CDH8: variants seen among roughly 807,000 people sequenced by gnomAD.
CDH8 encodes cadherin-8.
CDH8 carries 17 observed loss-of-function variants against 68.1 expected under a neutral mutation model. The observed-to-expected ratio is 0.25, with a 90% confidence interval of 0.17 to 0.37. CDH8 has a LOEUF of 0.37. Among genes scored for constraint, CDH8 ranks in the 10% least tolerant of loss-of-function variants. The probability of loss-of-function intolerance (pLI) is 1.00; values close to 1 mark genes in which losing one functional copy is unlikely to be tolerated. For missense variants in CDH8, 763 were observed against 999.3 expected (o/e 0.76, Z 3.19); for synonymous variants, 372 against 365.1 (o/e 1.02, Z -0.21).
rs1202738315 is a variant in CDH8, at chr16:62,027,505, A to C, written c.-199-5903T>G. Among the ~76,000 whole-genome samples, 3 of 152,228 alleles carry C rather than the reference A, an allele frequency of 2.0e-5. No individual in the cohort carries two copies. In the East Asian group the frequency reaches 5.8e-4, roughly 29 times the overall value. On this transcript the variant is annotated intron_variant, in intron 1 of 11. Transcript: ENST00000577390. ...GTGGTTGACAGGAAACTATGCTTTT[A>C]TTATCCACTAGGCTTAGCAGCCACA... is the stretch of plus-strand genomic sequence containing the variant.
intron 10 of CDH8, among the ~76,000 whole-genome samples, chr16:61,680,552 TG>T (rs562404116): frequency 0.14 from 20,582 of 151,868 alleles, 1,570 homozygotes; most frequent in African/African-American, 0.2. Context: ...CAGGGGGACT[TG>T]AACTTGTGGA....
intron 2 of CDH8, among the ~76,000 whole-genome samples, chr16:61,994,068 G>T (rs556647759): frequency 6.6e-6 from 1 of 152,190 alleles, no homozygotes; most frequent in South Asian, 2.1e-4. Flanking sequence ...ATTTCTCATG[G>T]CTGGGAAGTA....
At chr16:61,818,528 T>C (rs1379397513) in intron 6 of CDH8, among the ~76,000 whole-genome samples, 1 of 152,180 alleles carries the variant, frequency 6.6e-6, no homozygotes, top group African/African-American at 2.4e-5. Flanking sequence ...ATTGCACCAT[T>C]ACTGACAATA....
chr16:61,815,460 C>G (rs1302664348), intron 7 of CDH8, among the ~76,000 whole-genome samples: 1 of 152,194 alleles, frequency 6.6e-6, no homozygotes, highest in Non-Finnish European at 1.5e-5. Context: ...ATAGCTAGCT[C>G]TGCCAATAAG....
intron 3 of CDH8, among the ~76,000 whole-genome samples, chr16:61,886,276 T>G (rs1963671029): frequency 6.6e-6 from 1 of 152,218 alleles, no homozygotes; most frequent in South Asian, 2.1e-4. Flanking sequence ...GATAGTCTAT[T>G]TTTAAGGCCC....
chr16:61,760,238 G>A (rs1021793929), intron 8 of CDH8, among the ~76,000 whole-genome samples: 7 of 151,950 alleles, frequency 4.6e-5, no homozygotes, highest in African/African-American at 1.7e-4. Flanking sequence ...AAACCACTAA[G>A]TTTGGGGTTA....
intron 2 of CDH8, among the ~76,000 whole-genome samples, chr16:61,954,987 G>A (rs143071190): frequency 7.9e-5 from 12 of 152,260 alleles, no homozygotes; most frequent in Admixed American, 3.9e-4. Context: ...CTTCTAAAGT[G>A]GGTATTGGAT....
At chr16:61,741,672 T>A (rs1959875750) in intron 8 of CDH8, among the ~76,000 whole-genome samples, 1 of 152,162 alleles carries the variant, frequency 6.6e-6, no homozygotes, top group African/African-American at 2.4e-5. Context: ...GCATTTTCTC[T>A]GCAGGCCTAT....
intron 1 of CDH8, among the ~76,000 whole-genome samples, chr16:62,022,189 A>G (rs992760032): frequency 6.6e-6 from 1 of 152,110 alleles, no homozygotes; most frequent in Non-Finnish European, 1.5e-5. Context: ...CCCAATTTTT[A>G]CAATCTTAGC....
At chr16:61,791,364 G>A (rs1961376820) in intron 7 of CDH8, among the ~76,000 whole-genome samples, 1 of 151,816 alleles carries the variant, frequency 6.6e-6, no homozygotes, top group Non-Finnish European at 1.5e-5. Context: ...ATTTTCCTGG[G>A]GAATAATGAT....
chr16:61,904,367 A>G (rs2143284649), intron 2 of CDH8, among the ~76,000 whole-genome samples: 2 of 151,844 alleles, frequency 1.3e-5, no homozygotes, highest in South Asian at 4.2e-4. Flanking sequence ...CCCCCTAAGA[A>G]CCTCCTCTCT....
At chr16:61,863,132 A>C (rs918146540) in intron 3 of CDH8, among the ~76,000 whole-genome samples, 1 of 152,200 alleles carries the variant, frequency 6.6e-6, no homozygotes, top group African/African-American at 2.4e-5. Context: ...GTATGAACAC[A>C]TCAATTCCAA....
chr16:61,763,689 C>T lies in CDH8; in HGVS notation c.1414+25657G>A, dbSNP rs75095152. 8.3e-4 allele frequency among the ~76,000 whole-genome samples: 127 copies of T among 152,196 alleles called. 1 individual carries two copies. The East Asian group carries it at 0.019, about 23-fold the overall frequency. On this transcript the variant is annotated intron_variant, in intron 8 of 11. Transcript: ENST00000577390. ...TATCATTTTTATATCTAGGGTTTAA[C>T]TTCAGGAAAATAGCACAATTCACAT... is the stretch of plus-strand genomic sequence containing the variant.
chr16:61,690,617 A>G (rs1363558072), intron 10 of CDH8, among the ~76,000 whole-genome samples: 2 of 151,762 alleles, frequency 1.3e-5, no homozygotes, highest in Non-Finnish European at 2.9e-5. Flanking sequence ...TTTTGAAATA[A>G]ATCTCTCAGC....
In CDH8 at chr16:62,014,535, C is replaced by A. The variant is rs189708221; in HGVS notation, c.252+6617G>T. 5.1e-4 allele frequency among the ~76,000 whole-genome samples: 77 copies of A among 152,266 alleles called. 1 individual carries two copies. The East Asian group carries it at 0.014, about 29-fold the overall frequency. On this transcript the variant is annotated intron_variant, in intron 2 of 11. Coordinates refer to ENST00000577390, the MANE Select transcript of CDH8 (RefSeq NM_001796.5). ...TGCGTAGTCCAACGCTCTTAACATG[C>A]AAACAGCCAGCAAAAAATAATGGCA... is the stretch of plus-strand genomic sequence containing the variant.
rs1567534815 is a variant in CDH8 at position 61,934,834 on chromosome 16, A to T, written c.253-33361T>A. Among the ~76,000 whole-genome samples the T allele has an allele frequency of 3.3e-5, 5 of 152,132 alleles. No homozygotes were observed. The South Asian group carries it at 8.3e-4, about 25-fold the overall frequency. On this transcript the variant is annotated intron_variant, in intron 2 of 11. Coordinates refer to ENST00000577390, the MANE Select transcript of CDH8 (RefSeq NM_001796.5). ...GCCAGAGAATTTAGGTCTGATTGTC[A>T]CCCGAAGCTTTTCAGGGATAAAAAT...
intron 2 of CDH8, among the ~76,000 whole-genome samples, chr16:61,975,719 AAGAT>A (rs1348836893): frequency 3.3e-5 from 5 of 152,178 alleles, no homozygotes; most frequent in African/African-American, 1.2e-4. Flanking sequence ...AATAGTAGAA[AAGAT>A]AGATCTGATC....
At chr16:61,793,742 G>T (rs1399989877) in intron 7 of CDH8, among the ~76,000 whole-genome samples, 2 of 151,988 alleles carry the variant, frequency 1.3e-5, no homozygotes, top group Non-Finnish European at 1.5e-5. Flanking sequence ...ATAACGGAAT[G>T]ATTTATATTC....
intron 3 of CDH8, among the ~76,000 whole-genome samples, chr16:61,872,228 A>G (rs1326757083): frequency 6.6e-6 from 1 of 152,252 alleles, no homozygotes; most frequent in Non-Finnish European, 1.5e-5. Context: ...AGTATCCGAG[A>G]CAGGTCACAA....
Sources: allele counts gnomAD v4.1 joint callset (sites outside exome capture counted in the v4.1 genomes callset), GRCh38; gene constraint gnomAD v4.1.1; transcripts MANE v1.5; gene names NCBI Gene and HGNC (gene_info 2026-07-23, HGNC 2026-07-21).